The following ROBO2 variants were observed in gnomAD, a reference collection of about 807,000 sequenced individuals.
ROBO2 encodes roundabout guidance receptor 2.
A neutral mutation model predicts 160.8 loss-of-function variants in ROBO2; 53 were observed. The observed-to-expected ratio is 0.33, with a 90% CI of 0.26 to 0.41. The LOEUF is 0.41. Ranked by LOEUF, ROBO2 falls within the 10% of genes least tolerant of loss-of-function variation. ROBO2 has a pLI of 1.00. For synonymous variants in ROBO2, 664 were observed against 611.7 expected, an observed-to-expected ratio of 1.09 and a Z score of -1.26; for missense variants, 1,577 against 1,722.4, an observed-to-expected ratio of 0.92 and a Z score of 1.49.
chr3:77,517,243 A>T, intron 5 of ROBO2, among the ~76,000 whole-genome samples: 1 of 151,550 alleles, frequency 6.6e-6, no homozygotes, highest in Admixed American at 6.6e-5. Context: ...AGGGAATGAT[A>T]TTTGGGTCAT....
At chr3:76,512,849 AC>A (rs1456621015) in intron 2 of ROBO2, among the ~76,000 whole-genome samples, 1 of 151,920 alleles carries the variant, frequency 6.6e-6, no homozygotes, top group Admixed American at 6.6e-5. Flanking sequence ...GAAATCCCAA[AC>A]CCGTTTGGTC....
chr3:77,265,748 T>C (rs952682420), intron 2 of ROBO2, among the ~76,000 whole-genome samples: 2 of 152,180 alleles, frequency 1.3e-5, no homozygotes, highest in Admixed American at 6.6e-5. Context: ...CATTCTAATA[T>C]GTTTCATGAA....
chr3:76,798,264 GAA>G (rs1436030128), intron 2 of ROBO2, among the ~76,000 whole-genome samples: 128 of 105,408 alleles, frequency 1.2e-3, no homozygotes, highest in African/African-American at 5.0e-3. Context: ...AAGAAGGAAA[GAA>G]AGAAAGAAAG....
chr3:77,180,435 T>TATATATATATATATATGTC (rs1491200828), intron 2 of ROBO2, among the ~76,000 whole-genome samples: 1 of 63,940 alleles, frequency 1.6e-5, no homozygotes, highest in Non-Finnish European at 3.2e-5. Context: ...TATATATGTA[T>TATATATATATATATATGTC]TTTTTTTTTT....
intron 2 of ROBO2, among the ~76,000 whole-genome samples, chr3:76,786,543 A>G (rs1178921529): frequency 6.6e-6 from 1 of 151,308 alleles, no homozygotes; most frequent in African/African-American, 2.4e-5. Flanking sequence ...ATCATGAGAC[A>G]GCATTAGGGG....
intron 2 of ROBO2, among the ~76,000 whole-genome samples, chr3:76,260,981 G>C (rs929037720): frequency 6.6e-6 from 1 of 151,898 alleles, no homozygotes; most frequent in Non-Finnish European, 1.5e-5. Flanking sequence ...AAAAAATGTA[G>C]GGCTTCAAGA....
chr3:75,928,520 G>T (rs1158595815), intron 1 of ROBO2, among the ~76,000 whole-genome samples: 1 of 152,274 alleles, frequency 6.6e-6, no homozygotes, highest in African/African-American at 2.4e-5. Context: ...TCACAGGCAG[G>T]TTGTTTCCAT....
At chr3:76,298,197 C>T (rs996898850) in intron 2 of ROBO2, among the ~76,000 whole-genome samples, 1 of 152,052 alleles carries the variant, frequency 6.6e-6, no homozygotes, top group Admixed American at 6.6e-5. Flanking sequence ...CTATTCTGTG[C>T]AAATACATGT....
At chr3:76,341,868 A>G (rs1181913958) in intron 2 of ROBO2, among the ~76,000 whole-genome samples, 1 of 152,184 alleles carries the variant, frequency 6.6e-6, no homozygotes, top group Non-Finnish European at 1.5e-5. Flanking sequence ...TTCTGAATGA[A>G]TCTTTCACTA....
At chr3:75,942,006 A>G (rs1369821348) in intron 2 of ROBO2, among the ~76,000 whole-genome samples, 1 of 152,044 alleles carries the variant, frequency 6.6e-6, no homozygotes, top group East Asian at 1.9e-4. Context: ...GTTCCTTACA[A>G]TCGTTTCCCA....
At chr3:76,385,285 C>T (rs1450246162) in intron 2 of ROBO2, among the ~76,000 whole-genome samples, 1 of 152,150 alleles carries the variant, frequency 6.6e-6, no homozygotes, top group Non-Finnish European at 1.5e-5. Flanking sequence ...AACCATCACG[C>T]CCAGCCTGCC....
chr3:75,989,954 T>C (rs185868665), intron 2 of ROBO2, among the ~76,000 whole-genome samples: 1 of 151,930 alleles, frequency 6.6e-6, no homozygotes, highest in African/African-American at 2.4e-5. Flanking sequence ...GGCATGTGTG[T>C]TTTTTTTCCT....
intron 2 of ROBO2, among the ~76,000 whole-genome samples, chr3:77,432,501 A>G (rs1482385566): frequency 6.6e-6 from 1 of 152,196 alleles, no homozygotes; most frequent in Non-Finnish European, 1.5e-5. Context: ...ACGATATTAT[A>G]GACCAGGGTG....
At chr3:76,994,547 T>A (rs987046919) in intron 2 of ROBO2, among the ~76,000 whole-genome samples, 5 of 152,180 alleles carry the variant, frequency 3.3e-5, no homozygotes, top group African/African-American at 1.2e-4. Flanking sequence ...GAAATCATAA[T>A]CAGAAGAATG....
chr3:77,043,462 C>T lies in ROBO2; in HGVS notation c.61+2616C>T, dbSNP rs147593895. ...TTTGCCACCTCATAGAAGCTATCTG[C>T]TAATATTATTTATAATTTTTCAGTA... On this transcript the variant is annotated intron_variant, in intron 1 of 25. Transcript: ENST00000461745. 2.0e-5 allele frequency among the ~76,000 whole-genome samples: 3 copies of T among 152,176 alleles called. No homozygotes were observed. The East Asian group carries it at 5.8e-4, about 29-fold the overall frequency.
chr3:76,731,239 T>A (rs879684122), intron 2 of ROBO2, among the ~76,000 whole-genome samples: 11 of 152,238 alleles, frequency 7.2e-5, no homozygotes, highest in Non-Finnish European at 1.6e-4. Context: ...TTCTCCATTT[T>A]AAATTGCCTT....
intron 2 of ROBO2, among the ~76,000 whole-genome samples, chr3:77,161,274 T>G (rs902675559): frequency 2.6e-5 from 4 of 152,218 alleles, no homozygotes; most frequent in Non-Finnish European, 5.9e-5. Context: ...CCATCTTGCA[T>G]AAAATGCAAC....
At chr3:76,287,186 A>G (rs753961367) in intron 2 of ROBO2, among the ~76,000 whole-genome samples, 3 of 152,212 alleles carry the variant, frequency 2.0e-5, no homozygotes, top group Non-Finnish European at 4.4e-5. Context: ...TGATTAATTC[A>G]GCTTTGGACA....
intron 2 of ROBO2, among the ~76,000 whole-genome samples, chr3:75,976,492 G>T (rs1008628507): frequency 6.6e-6 from 1 of 151,302 alleles, no homozygotes; most frequent in Non-Finnish European, 1.5e-5. Flanking sequence ...TAGAAAGAAG[G>T]GAAATTTTTT....
Sources: allele counts gnomAD v4.1 joint callset (sites outside exome capture counted in the v4.1 genomes callset), GRCh38; gene constraint gnomAD v4.1.1; transcripts MANE v1.5; gene names NCBI Gene and HGNC (gene_info 2026-07-23, HGNC 2026-07-21).